TMEM114: variants seen among roughly 807,000 people sequenced by gnomAD.
The protein encoded by TMEM114 is claudin-26.
In TMEM114, 6 loss-of-function variants were observed where a neutral mutation model predicts 6.2. That is an observed-to-expected ratio of 0.97 (90% CI 0.53 to 1.91). The LOEUF is 1.91. Among genes scored for constraint, TMEM114 ranks in the 40% most tolerant of loss-of-function variants. The pLI is 0.01. For missense variants in TMEM114, 218 were observed against 158.3 expected, an observed-to-expected ratio of 1.38 and a Z score of -2.02; for synonymous variants, 104 against 73.0, an observed-to-expected ratio of 1.42 and a Z score of -2.16.
At position 8,556,778 on chromosome 16, in the gene TMEM114, T is replaced by C. The variant is rs959158932; in HGVS notation, n.213-18952A>G. Among the ~76,000 whole-genome samples, 6 of 152,286 alleles carry C rather than the reference T, an allele frequency of 3.9e-5. No homozygotes were observed. The South Asian group carries it at 1.2e-3, about 32-fold the overall frequency. On this transcript the variant is annotated intron_variant and non_coding_transcript_variant, in intron 2 of 2. Transcript: ENST00000623677. ...TCAGCCTCCCAAAGTGCCAGGATTA[T>C]AGGCGTGAGCCACCGCGCCTGACCC...
downstream of TMEM114, among the ~76,000 whole-genome samples, chr16:8,535,765 T>G (rs1900338605): frequency 6.6e-6 from 1 of 152,218 alleles, no homozygotes; most frequent in African/African-American, 2.4e-5. Context: ...TATGGGAGAC[T>G]CACTGCGTAG....
intron 3 of TMEM114, among the ~76,000 whole-genome samples, chr16:8,571,130 TAA>T (rs33986524): frequency 1.3e-5 from 2 of 148,208 alleles, no homozygotes; most frequent in African/African-American, 2.5e-5. Context: ...TTTTTTTTTT[TAA>T]AAGGAACATT....
At chr16:8,561,868 A>C (rs979825568) in intron 2 of TMEM114, among the ~76,000 whole-genome samples, 1 of 122,416 alleles carries the variant, frequency 8.2e-6, no homozygotes, top group East Asian at 2.4e-4. Flanking sequence ...GAGTGAGGGA[A>C]TGAGTGAGTG....
chr16:8,537,487 T>C (rs13333669), downstream of TMEM114: 19,631 of 151,950 alleles, frequency 0.13, 1,593 homozygotes, highest in African/African-American at 0.24. Flanking sequence ...GGTGACAGAG[T>C]GAGACTCCAT....
chr16:8,528,145 C>T, the TMEM114 span, among the ~76,000 whole-genome samples: 2 of 152,102 alleles, frequency 1.3e-5, no homozygotes, highest in African/African-American at 4.8e-5. Context: ...AAGTGATCTG[C>T]CTGCCTAGGC....
At chr16:8,584,474 A>T (rs1024917311) in intron 2 of TMEM114, among the ~76,000 whole-genome samples, 1 of 152,200 alleles carries the variant, frequency 6.6e-6, no homozygotes, top group Non-Finnish European at 1.5e-5. Context: ...GCTGACAAGG[A>T]ACCTGTTTCA....
downstream of TMEM114, among the ~76,000 whole-genome samples, chr16:8,565,403 C>A (rs767891321): frequency 1.4e-4 from 21 of 152,134 alleles, no homozygotes; most frequent in Non-Finnish European, 5.9e-5. Context: ...CCAGATAGAG[C>A]GCCTTCTCTG....
chr16:8,563,049 TTGAGTGAATGAG>T (rs1901332157), intron 2 of TMEM114, among the ~76,000 whole-genome samples: 1 of 75,404 alleles, frequency 1.3e-5, no homozygotes, highest in Admixed American at 1.3e-4. Flanking sequence ...AATGAGTAAA[TTGAGTGAATGAG>T]TAAGTGAATG....
chr16:8,568,423 C>G (rs1435009377), downstream of TMEM114, among the ~76,000 whole-genome samples: 3 of 149,818 alleles, frequency 2.0e-5, no homozygotes, highest in Admixed American at 2.0e-4. Flanking sequence ...GGTGTCATGT[C>G]GTTGTGGTGG....
chr16:8,544,458 G>C (rs1596467706), intron 2 of TMEM114, among the ~76,000 whole-genome samples: 1 of 152,118 alleles, frequency 6.6e-6, no homozygotes, highest in South Asian at 2.1e-4. Context: ...GATATGTAGG[G>C]GTTCACCAGT....
the TMEM114 span, among the ~76,000 whole-genome samples, chr16:8,528,652 G>C: frequency 5.5e-4 from 83 of 152,230 alleles, no homozygotes; most frequent in East Asian, 5.4e-3. Context: ...TCGCAGCCTT[G>C]GTGGTAAATC....
intron 2 of TMEM114, among the ~76,000 whole-genome samples, chr16:8,581,655 T>G (rs1319883111): frequency 6.6e-6 from 1 of 152,262 alleles, no homozygotes; most frequent in Non-Finnish European, 1.5e-5. Flanking sequence ...GGATTTGCCA[T>G]GTTGGCCAGG....
chr16:8,561,419 C>T (rs1378489571), intron 2 of TMEM114, among the ~76,000 whole-genome samples: 1 of 152,230 alleles, frequency 6.6e-6, no homozygotes, highest in Non-Finnish European at 1.5e-5. Flanking sequence ...CGCATTCCAC[C>T]AGCCATGTTT....
At chr16:8,543,347 C>T (rs536093186) in intron 2 of TMEM114, among the ~76,000 whole-genome samples, 2 of 152,266 alleles carry the variant, frequency 1.3e-5, no homozygotes, top group South Asian at 2.1e-4. Flanking sequence ...CCTTTGGTGT[C>T]ACTGGGGATA....
intron 3 of TMEM114, among the ~76,000 whole-genome samples, chr16:8,571,117 T>C (rs1901720532): frequency 2.7e-5 from 2 of 75,152 alleles, no homozygotes; most frequent in South Asian, 4.2e-4. Flanking sequence ...TCATCACTGC[T>C]TTTTTTTTTT....
chr16:8,570,444 G>A (rs1244358438), intron 3 of TMEM114, among the ~76,000 whole-genome samples: 1 of 152,120 alleles, frequency 6.6e-6, no homozygotes, highest in African/African-American at 2.4e-5. Flanking sequence ...CTATTCTCCT[G>A]CCTCAGCCTC....
chr16:8,541,416 G>A (rs777469070), intron 2 of TMEM114, among the ~76,000 whole-genome samples: 4 of 151,414 alleles, frequency 2.6e-5, no homozygotes, highest in Non-Finnish European at 5.9e-5. Context: ...AATATCTCAG[G>A]ATAAAAAAAA....
intron 2 of TMEM114, among the ~76,000 whole-genome samples, chr16:8,546,057 G>T (rs80128212): frequency 6.6e-6 from 1 of 152,182 alleles, no homozygotes; most frequent in African/African-American, 2.4e-5. Context: ...GGAAGCTATA[G>T]TGAGCTATGA....
chr16:8,583,248 AGTGCATCTG>A (rs1159861460), intron 2 of TMEM114, among the ~76,000 whole-genome samples: 8 of 152,222 alleles, frequency 5.3e-5, no homozygotes, highest in African/African-American at 1.7e-4. Context: ...TGAGCAAATA[AGTGCATCTG>A]GTGGGTCTGC....
Sources: gnomAD v4.1 joint callset for allele counts (sites outside exome capture counted in the v4.1 genomes callset) on GRCh38, gnomAD v4.1.1 for gene constraint, MANE v1.5 for transcripts, NCBI Gene and HGNC (gene_info 2026-07-23, HGNC 2026-07-21) for gene names.